The following CYP7B1 variants were observed in gnomAD, a reference collection of about 807,000 sequenced individuals.
CYP7B1 encodes the protein cytochrome P450 7B1.
Under a neutral mutation model 42.7 loss-of-function variants are expected in CYP7B1, and 29 were observed. The ratio of observed to expected loss-of-function variants is 0.68; its 90% confidence interval spans 0.51 to 0.93. The LOEUF (loss-of-function observed/expected upper bound fraction) is 0.93. CYP7B1 is among the 40% of genes least tolerant of loss of function. The pLI, the probability that CYP7B1 is intolerant of heterozygous loss-of-function variation, is 0.00. For missense variants in CYP7B1, 655 were observed against 600.5 expected, an observed-to-expected ratio of 1.09 and a Z score of -0.95; for synonymous variants, 235 against 218.2, an observed-to-expected ratio of 1.08 and a Z score of -0.68.
downstream of CYP7B1, among the ~76,000 whole-genome samples, chr8:64,590,367 T>C (rs1404056668): frequency 6.6e-6 from 1 of 152,242 alleles, no homozygotes. Context: ...CATTCTGTAG[T>C]ATATGCTTTA....
Position 64,733,366 on chromosome 8 carries a change from C to T in CYP7B1, c.122+65100G>A, listed in dbSNP as rs180806769. Among the ~76,000 whole-genome samples the T allele has an allele frequency of 4.7e-4, 72 of 152,318 alleles. 1 individual carries two copies. In the South Asian group the frequency reaches 6.0e-3, roughly 13 times the overall value. Reference sequence around the variant, plus strand: ...CCTCCCCTCTCCAGTGGATACACAGCGGCTTTTGATGCCAATGCAGGTAAA... The same window carrying T: ...CCTCCCCTCTCCAGTGGATACACAGTGGCTTTTGATGCCAATGCAGGTAAA... On this transcript the variant is annotated intron_variant, in intron 1 of 5. Transcript: ENST00000310193.
intron 1 of CYP7B1, among the ~76,000 whole-genome samples, chr8:64,685,906 G>C (rs1405933074): frequency 2.9e-4 from 9 of 30,744 alleles, no homozygotes; most frequent in East Asian, 5.9e-4. Context: ...GGCCAGCCGT[G>C]CCGTCCGGGA....
chr8:64,774,899 A>T (rs1804297606), intron 1 of CYP7B1, among the ~76,000 whole-genome samples: 1 of 152,216 alleles, frequency 6.6e-6, no homozygotes, highest in Non-Finnish European at 1.5e-5. Context: ...GGGAGCTAGT[A>T]TTCAAACACC....
chr8:64,680,021 A>G (rs1487032500), intron 1 of CYP7B1, among the ~76,000 whole-genome samples: 3 of 152,128 alleles, frequency 2.0e-5, no homozygotes. Context: ...CTTACCTTGC[A>G]TAATTGAAAC....
intron 1 of CYP7B1, among the ~76,000 whole-genome samples, chr8:64,750,455 GCTT>G (rs1188608548): frequency 1.3e-5 from 2 of 152,182 alleles, no homozygotes; most frequent in Admixed American, 1.3e-4. Context: ...AATCACCTTT[GCTT>G]CTTAGGGAAA....
chr8:64,693,367 G>A (rs1806776963), intron 1 of CYP7B1, among the ~76,000 whole-genome samples: 2 of 152,194 alleles, frequency 1.3e-5, no homozygotes, highest in South Asian at 4.1e-4. Context: ...ATGTGTCTTT[G>A]TGTGTGTTTT....
intron 1 of CYP7B1, among the ~76,000 whole-genome samples, chr8:64,716,936 T>C (rs1441764573): frequency 6.6e-6 from 1 of 152,234 alleles, no homozygotes; most frequent in East Asian, 1.9e-4. Context: ...ACCACAATTA[T>C]AGGTTTGTCT....
intron 1 of CYP7B1, among the ~76,000 whole-genome samples, chr8:64,666,528 G>T (rs1806282290): frequency 7.1e-6 from 1 of 141,778 alleles, no homozygotes; most frequent in Admixed American, 7.4e-5. Context: ...AGGATGAGTA[G>T]GGGTCAGGCT....
At chr8:64,630,498 T>A (rs73237773) in intron 1 of CYP7B1, among the ~76,000 whole-genome samples, 1 of 152,240 alleles carries the variant, frequency 6.6e-6, no homozygotes, top group African/African-American at 2.4e-5. Context: ...TTTTCCTTGC[T>A]ATTCATATTT....
downstream of CYP7B1, among the ~76,000 whole-genome samples, chr8:64,587,009 C>CT (rs1225684038): frequency 6.6e-6 from 1 of 152,154 alleles, no homozygotes; most frequent in Non-Finnish European, 1.5e-5. Context: ...CGGTGAGAGT[C>CT]TTTTTTGCCC....
intron 1 of CYP7B1, among the ~76,000 whole-genome samples, chr8:64,687,482 G>T (rs2129632131): frequency 6.6e-6 from 1 of 152,210 alleles, no homozygotes; most frequent in Middle Eastern, 3.4e-3. Flanking sequence ...GTTCTAAAAT[G>T]AAAATGTTCT....
intron 1 of CYP7B1, among the ~76,000 whole-genome samples, chr8:64,628,376 TGG>T (rs1386199009): frequency 1.3e-5 from 2 of 151,680 alleles, no homozygotes; most frequent in African/African-American, 4.8e-5. Context: ...AGACGGGGAG[TGG>T]TGGTTCATGC....
chr8:64,671,179 C>A (rs765699401), intron 1 of CYP7B1, among the ~76,000 whole-genome samples: 1 of 151,800 alleles, frequency 6.6e-6, no homozygotes, highest in African/African-American at 2.4e-5. Context: ...TAAATGCCTC[C>A]CCCTCCATGT....
intron 1 of CYP7B1, among the ~76,000 whole-genome samples, chr8:64,673,128 T>C (rs1203121604): frequency 1.3e-5 from 2 of 152,148 alleles, no homozygotes; most frequent in Non-Finnish European, 2.9e-5. Flanking sequence ...CTCCATCTTT[T>C]GTGGGTGCTG....
In CYP7B1 at chr8:64,616,171, T is replaced by G. The variant is rs1320324153; in HGVS notation, c.370A>C (p.Ser124Arg). The change falls in exon 3 of 6, where the codon AGC (serine) becomes CGC (arginine). Residue 124 changes from serine (S) to arginine (R), a missense_variant. Physicochemically the swap from Ser to Arg is moderately radical, Grantham distance 110. Transcript: ENST00000310193. ...FSNKLLEKAFSISQLQKNHDM... is the reference protein window; with the variant it reads ...FSNKLLEKAFRISQLQKNHDM... ...TGATTTTTTTGCAACTGACTGATGCTAAATGCTTTCTCTAATAATTTATTA... is the reference window on the plus strand; with the variant it reads ...TGATTTTTTTGCAACTGACTGATGCGAAATGCTTTCTCTAATAATTTATTA... 6.2e-7 allele frequency: 1 copy of G among 1,612,864 alleles called. No homozygotes were observed. The highest frequency in any genetic ancestry group is 1.3e-5 in the African/African-American group (1 of 74,986).
intron 1 of CYP7B1, among the ~76,000 whole-genome samples, chr8:64,789,255 A>T (rs1804579008): frequency 6.6e-6 from 1 of 152,084 alleles, no homozygotes; most frequent in Admixed American, 6.6e-5. Flanking sequence ...TTAAGCCTAA[A>T]CTGCTCTAAG....
intron 1 of CYP7B1, among the ~76,000 whole-genome samples, chr8:64,795,620 CA>C (rs1018225700): frequency 6.6e-6 from 1 of 151,428 alleles, no homozygotes. Flanking sequence ...AACCCAAAAC[CA>C]AAAAAAAGGG....
At chr8:64,722,762 G>C (rs1432413687) in intron 1 of CYP7B1, among the ~76,000 whole-genome samples, 1 of 120,692 alleles carries the variant, frequency 8.3e-6, no homozygotes, top group African/African-American at 3.3e-5. Flanking sequence ...GGGGGCGGGA[G>C]GTTTTTTTTT....
chr8:64,614,406 T>C (rs1805403543), intron 4 of CYP7B1, among the ~76,000 whole-genome samples: 1 of 152,118 alleles, frequency 6.6e-6, no homozygotes, highest in Non-Finnish European at 1.5e-5. Flanking sequence ...CAGGAATAGT[T>C]TGTAGTTGTT....
Sources: allele counts gnomAD v4.1 joint callset (sites outside exome capture counted in the v4.1 genomes callset), GRCh38; gene constraint gnomAD v4.1.1; transcripts MANE v1.5; gene names NCBI Gene and HGNC (gene_info 2026-07-23, HGNC 2026-07-21).